Variants in ROR2 observed in about 807,000 individuals in gnomAD.
The protein encoded by ROR2 is ROR family WNT receptor 2.
A neutral mutation model predicts 74.9 loss-of-function variants in ROR2; 33 were observed. The ratio of observed to expected loss-of-function variants is 0.44; its 90% CI spans 0.33 to 0.59. ROR2 has a LOEUF of 0.59. Among genes scored for constraint, ROR2 ranks in the 20% least tolerant of loss-of-function variants. ROR2 has a pLI of 0.02. For synonymous variants in ROR2, 586 were observed against 558.7 expected, an observed-to-expected ratio of 1.05 and a Z score of -0.69; for missense variants, 1,216 against 1,313.8, an observed-to-expected ratio of 0.93 and a Z score of 1.15.
chr9:91,872,302 C>G (rs1829819955), intron 1 of ROR2, among the ~76,000 whole-genome samples: 1 of 152,206 alleles, frequency 6.6e-6, no homozygotes, highest in Non-Finnish European at 1.5e-5. Flanking sequence ...GAGTTACACT[C>G]TCAGGCTGGC....
chr9:91,911,505 T>TA (rs1237101850), intron 1 of ROR2, among the ~76,000 whole-genome samples: 1 of 150,774 alleles, frequency 6.6e-6, no homozygotes, highest in African/African-American at 2.5e-5. Flanking sequence ...ACCGAAACAT[T>TA]ACGTGGCGCA....
rs1254807700 is a variant in ROR2, at chr9:91,724,025, G to A, written c.2469C>T (p.Gly823=). 1.2e-6 allele frequency: 2 copies of A among 1,612,360 alleles called. No homozygotes were observed. The highest frequency in any genetic ancestry group is 1.7e-6 in the Non-Finnish European group (2 of 1,179,910). ...PPPQLYVPVN[G]YQPVPAYGAY... is the part of the protein sequence containing the mutation. ...CCCCATAGGCCGGCACCGGCTGGTA[G>A]CCGTTGACGGGGACGTAGAGCTGCG... is the stretch of plus-strand genomic sequence containing the variant. Residue 823 remains glycine (G), a synonymous_variant, in exon 9 of 9, where the codon GGC becomes GGT. Coordinates refer to ENST00000375708, the MANE Select transcript of ROR2 (RefSeq NM_004560.4).
chr9:91,726,454 A>T, intron 8 of ROR2, 87 bp downstream of exon 8: 1 of 1,271,008 alleles, frequency 7.9e-7, no homozygotes, highest in South Asian at 1.2e-5. Flanking sequence ...GTATCAAGTA[A>T]ATTAAGACAT....
intron 1 of ROR2, among the ~76,000 whole-genome samples, chr9:91,815,797 A>T (rs1431813680): frequency 6.6e-6 from 1 of 152,210 alleles, no homozygotes; most frequent in African/African-American, 2.4e-5. Context: ...GAAGGATATC[A>T]TCACATCCCT....
At chr9:91,889,298 C>A in intron 1 of ROR2, among the ~76,000 whole-genome samples, 1 of 152,172 alleles carries the variant, frequency 6.6e-6, no homozygotes, top group Non-Finnish European at 1.5e-5. Context: ...AGTCCCAGGG[C>A]CCCAGGCACA....
intron 1 of ROR2, among the ~76,000 whole-genome samples, chr9:91,836,493 T>G (rs1164205998): frequency 6.8e-6 from 1 of 146,898 alleles, no homozygotes; most frequent in Non-Finnish European, 1.5e-5. Flanking sequence ...TAAGCCAAGA[T>G]CGCACCACTG....
intron 2 of ROR2, among the ~76,000 whole-genome samples, chr9:91,768,534 C>T (rs899845715): frequency 5.3e-5 from 8 of 152,176 alleles, no homozygotes; most frequent in East Asian, 1.9e-4. Context: ...GTGTGTCACC[C>T]GCAGGAGGAA....
intron 1 of ROR2, among the ~76,000 whole-genome samples, chr9:91,837,534 C>T (rs545906062): frequency 6.6e-6 from 1 of 152,248 alleles, no homozygotes; most frequent in South Asian, 2.1e-4. Flanking sequence ...TAAAACAATC[C>T]CCCTGCTCTT....
intron 1 of ROR2, among the ~76,000 whole-genome samples, chr9:91,948,055 T>TTTGTACATTTGTAC (rs531093756): frequency 1.3e-3 from 202 of 152,326 alleles, no homozygotes; most frequent in Non-Finnish European, 2.3e-3. Flanking sequence ...GCTTTGTTCA[T>TTTGTACATTTGTAC]ATAAGACATT....
chr9:91,892,689 A>G (rs575674691), intron 1 of ROR2, among the ~76,000 whole-genome samples: 18 of 149,772 alleles, frequency 1.2e-4, no homozygotes, highest in Non-Finnish European at 2.4e-4. Flanking sequence ...TCCCGGGTTC[A>G]AGCAATTCTC....
intron 6 of ROR2, among the ~76,000 whole-genome samples, chr9:91,731,552 C>A (rs1169566283): frequency 6.6e-6 from 1 of 152,188 alleles, no homozygotes; most frequent in Non-Finnish European, 1.5e-5. Flanking sequence ...TGGGTGAGAA[C>A]AGTGCAGGCC....
At chr9:91,866,774 A>G (rs905269406) in intron 1 of ROR2, among the ~76,000 whole-genome samples, 1 of 152,318 alleles carries the variant, frequency 6.6e-6, no homozygotes, top group East Asian at 1.9e-4. Flanking sequence ...ATATTGCCAC[A>G]TAAGGCTAAC....
chr9:91,799,363 C>A (rs991173355), intron 1 of ROR2, among the ~76,000 whole-genome samples: 3 of 152,226 alleles, frequency 2.0e-5, no homozygotes, highest in Non-Finnish European at 2.9e-5. Context: ...GTATGACCGT[C>A]CCAAGTGTGG....
At chr9:91,870,184 TA>T (rs1829754255) in intron 1 of ROR2, among the ~76,000 whole-genome samples, 1 of 152,204 alleles carries the variant, frequency 6.6e-6, no homozygotes, top group African/African-American at 2.4e-5. Context: ...ACTATCTGAT[TA>T]TTTTTTGGAA....
At chr9:91,883,699 C>T (rs1830185992) in intron 1 of ROR2, among the ~76,000 whole-genome samples, 1 of 152,176 alleles carries the variant, frequency 6.6e-6, no homozygotes, top group Admixed American at 6.5e-5. Context: ...TCCTACGCAC[C>T]AGAACCCTCT....
intron 1 of ROR2, among the ~76,000 whole-genome samples, chr9:91,880,765 A>G (rs1405250148): frequency 6.6e-6 from 1 of 152,150 alleles, no homozygotes; most frequent in East Asian, 1.9e-4. Flanking sequence ...ACCTGCCTGC[A>G]CTCTTCAGAA....
chr9:91,749,294 T>C lies in ROR2; in HGVS notation c.494+6777A>G, dbSNP rs76106259. ...ACGGTGGCTTAAGCAACAGAATGTA[T>C]TTTCTCACACTCTGGAGGCTGGAAG... On this transcript the variant is annotated intron_variant, in intron 4 of 8. Transcript: ENST00000375708. Among the ~76,000 whole-genome samples the C allele has an allele frequency of 4.3e-3, 653 of 152,310 alleles. 34 individuals are homozygous for C. In the East Asian group the frequency reaches 0.11, roughly 26 times the overall value.
At chr9:91,918,763 A>G (rs1831198754) in intron 1 of ROR2, among the ~76,000 whole-genome samples, 1 of 152,224 alleles carries the variant, frequency 6.6e-6, no homozygotes, top group African/African-American at 2.4e-5. Flanking sequence ...TGTTAAAATA[A>G]AAGGGACAGG....
At chr9:91,859,584 A>G (rs10992140) in intron 1 of ROR2, among the ~76,000 whole-genome samples, 37,777 of 151,958 alleles carry the variant, frequency 0.25, 5,143 homozygotes, top group Admixed American at 0.42. Context: ...GCACTTTGGG[A>G]GGCAGAGGCA....
Sources: allele counts gnomAD v4.1 joint callset (sites outside exome capture counted in the v4.1 genomes callset), GRCh38; gene constraint gnomAD v4.1.1; transcripts MANE v1.5; gene names NCBI Gene and HGNC (gene_info 2026-07-23, HGNC 2026-07-21).